JAKMIP1: variants seen among roughly 807,000 people sequenced by gnomAD.
JAKMIP1 encodes the protein janus kinase and microtubule interacting protein 1.
In JAKMIP1, 33 loss-of-function variants were observed where a neutral mutation model predicts 113.0. The observed-to-expected ratio is 0.29, with a 90% CI of 0.22 to 0.39. The LOEUF is 0.39. Among genes scored for constraint, JAKMIP1 ranks in the 10% least tolerant of loss-of-function variants. The pLI, the probability that JAKMIP1 is intolerant of heterozygous loss-of-function variation, is 1.00. For missense variants in JAKMIP1, 813 were observed against 1,080.5 expected, an observed-to-expected ratio of 0.75 and a Z score of 3.47; for synonymous variants, 480 against 459.9, an observed-to-expected ratio of 1.04 and a Z score of -0.56.
chr4:6,064,400 G>T lies in JAKMIP1; in HGVS notation c.1431+480C>A, dbSNP rs1329589443. On this transcript the variant is annotated intron_variant, in intron 9 of 20. Coordinates refer to ENST00000409021, the MANE Select transcript of JAKMIP1 (RefSeq NM_001099433.2). The surrounding 1 kb of genome is among the most constrained non-coding windows in gnomAD (Gnocchi z 4.3). Reference sequence around the variant, plus strand: ...GGTGAGGCGGTGACCTTGGGGTGATGGGACTTCAGGGCTCTTCACCTTCTT... The same window carrying T: ...GGTGAGGCGGTGACCTTGGGGTGATTGGACTTCAGGGCTCTTCACCTTCTT... 6.6e-6 allele frequency among the ~76,000 whole-genome samples: 1 copy of T among 152,176 alleles called. No individual in the cohort carries two copies. Among genetic ancestry groups the T allele is most frequent in the Non-Finnish European group, 1.5e-5 (1 of 68,036 alleles).
Position 6,150,222 on chromosome 4 carries a change from T to A in JAKMIP1, c.-147-37225A>T, listed in dbSNP as rs1179055483. 3 of 152,244 alleles carry A rather than the reference T, an allele frequency of 2.0e-5. No homozygotes were observed. Among genetic ancestry groups the A allele is most frequent in the Non-Finnish European group, 4.4e-5 (3 of 68,106 alleles). 9.4% of individuals were successfully genotyped at this position (152,244 alleles called of 1,614,324 possible). ...GAAGAAAGTGCTGGCACAGGCCCCA[T>A]GCTTTGGGCTTATGTATATTAGCTC... On this transcript the variant is annotated intron_variant, in intron 1 of 20. Transcript: ENST00000409021. The surrounding 1 kb of genome is among the most constrained non-coding windows in gnomAD (Gnocchi z 4.8).
intron 8 of JAKMIP1, among the ~76,000 whole-genome samples, chr4:6,071,928 C>G (rs1719012076): frequency 6.6e-6 from 1 of 152,180 alleles, no homozygotes; most frequent in Admixed American, 6.5e-5. Flanking sequence ...GGCACAGAGC[C>G]CGCTGTGAAA....
chr4:6,148,349 C>A (rs538506034), intron 1 of JAKMIP1, among the ~76,000 whole-genome samples: 3 of 152,190 alleles, frequency 2.0e-5, no homozygotes, highest in East Asian at 1.9e-4. Context: ...ATTTTCCTAG[C>A]GCAGAAGAGT....
chr4:6,090,337 G>A (rs1054115811), intron 3 of JAKMIP1, among the ~76,000 whole-genome samples: 9 of 152,162 alleles, frequency 5.9e-5, no homozygotes, highest in African/African-American at 1.7e-4. Flanking sequence ...GAGGACTGCC[G>A]GCCACACCAG....
intron 1 of JAKMIP1, among the ~76,000 whole-genome samples, chr4:6,195,152 C>T (rs1043082015): frequency 6.6e-6 from 1 of 152,180 alleles, no homozygotes; most frequent in East Asian, 1.9e-4. Context: ...CAAGAATAGC[C>T]GGTAAATGGC....
At chr4:6,098,343 G>A (rs1712196555) in intron 3 of JAKMIP1, among the ~76,000 whole-genome samples, 1 of 152,068 alleles carries the variant, frequency 6.6e-6, no homozygotes, top group Non-Finnish European at 1.5e-5. Flanking sequence ...TGAGGCAGGA[G>A]AATTGCTTGA....
At chr4:6,163,091 G>C (rs1360805812) in intron 1 of JAKMIP1, among the ~76,000 whole-genome samples, 1 of 152,248 alleles carries the variant, frequency 6.6e-6, no homozygotes, top group East Asian at 1.9e-4. Flanking sequence ...GTTCTGCAGA[G>C]TTCAGACCCT....
intron 11 of JAKMIP1, among the ~76,000 whole-genome samples, chr4:6,057,936 G>A (rs890431488): frequency 2.6e-5 from 4 of 152,246 alleles, no homozygotes; most frequent in African/African-American, 9.6e-5. Context: ...TGCCCAGCCT[G>A]AGCCCAGCCC....
rs1726851516 is a variant in JAKMIP1 at position 6,188,183 on chromosome 4, G to A, written c.-148+12070C>T. On this transcript the variant is annotated intron_variant, in intron 1 of 20. Coordinates refer to ENST00000409021, the MANE Select transcript of JAKMIP1 (RefSeq NM_001099433.2). This position sits in a 1 kb window ranked among gnomAD's most constrained non-coding sequence, Gnocchi z 5.8. The stretch of plus-strand genomic sequence containing the variant: ...AAAATGTCCACTACCAGCTTCCTGG[G>A]TTGGAAGATTGGAAGTCTACAGCTT... Among the ~76,000 whole-genome samples, 1 of 152,156 alleles carries A rather than the reference G, an allele frequency of 6.6e-6. No individual in the cohort carries two copies. Among genetic ancestry groups the A allele is most frequent in the Non-Finnish European group, 1.5e-5 (1 of 68,022 alleles).
intron 3 of JAKMIP1, among the ~76,000 whole-genome samples, chr4:6,090,336 C>T (rs1425664049): frequency 6.6e-6 from 1 of 152,264 alleles, no homozygotes; most frequent in South Asian, 2.1e-4. Context: ...CGAGGACTGC[C>T]GGCCACACCA....
At position 6,097,557 on chromosome 4, in the gene JAKMIP1, C is replaced by A. The variant is rs562726028; in HGVS notation, c.624+7916G>T. ...CACAGGAGGTTGGGTGTGCAATTTT[C>A]CACTTGTGACTTCATGTTGGCACTC... is the stretch of plus-strand genomic sequence containing the variant. On this transcript the variant is annotated intron_variant, in intron 3 of 20. Coordinates refer to ENST00000409021, the MANE Select transcript of JAKMIP1 (RefSeq NM_001099433.2). This position sits in a 1 kb window ranked among gnomAD's most constrained non-coding sequence, Gnocchi z 4.3. Among the ~76,000 whole-genome samples the A allele has an allele frequency of 6.6e-6, 1 of 152,228 alleles. No individual in the cohort carries two copies. The highest frequency in any genetic ancestry group is 2.4e-5 in the African/African-American group (1 of 41,530).
At chr4:6,151,066 C>T (rs1721518631) in intron 1 of JAKMIP1, among the ~76,000 whole-genome samples, 1 of 152,166 alleles carries the variant, frequency 6.6e-6, no homozygotes, top group South Asian at 2.1e-4. Context: ...CCCAGTCTCC[C>T]ACTGTCTCCA....
chr4:6,191,758 T>G (rs2109060575), intron 1 of JAKMIP1, among the ~76,000 whole-genome samples: 1 of 152,276 alleles, frequency 6.6e-6, no homozygotes, highest in South Asian at 2.1e-4. Context: ...ACTAGCCACA[T>G]TTTAAAAGGT....
intron 3 of JAKMIP1, among the ~76,000 whole-genome samples, chr4:6,098,651 AAG>A (rs1270988704): frequency 2.2e-4 from 32 of 142,976 alleles, no homozygotes; most frequent in South Asian, 6.8e-4. Flanking sequence ...AAAGAAAGGA[AAG>A]GAAAGGAAGA....
intron 3 of JAKMIP1, among the ~76,000 whole-genome samples, chr4:6,098,294 G>A (rs371399242): frequency 1.1e-4 from 16 of 152,186 alleles, no homozygotes; most frequent in Admixed American, 2.0e-4. Context: ...TTAGCCAGGC[G>A]TAGTGGCAGG....
chr4:6,056,434 G>A (rs1012735924), intron 12 of JAKMIP1, among the ~76,000 whole-genome samples: 1 of 152,246 alleles, frequency 6.6e-6, no homozygotes, highest in Non-Finnish European at 1.5e-5. Flanking sequence ...GGGAAGACAG[G>A]CCAGGCCTCT....
At chr4:6,084,701 G>T in intron 5 of JAKMIP1, 145 bp downstream of exon 5, 1 of 870,724 alleles carries the variant, frequency 1.1e-6, no homozygotes, top group Non-Finnish European at 1.6e-6. Context: ...GCATGTGTTA[G>T]ATTTTTAATC....
rs1021946956 is a variant in JAKMIP1, at chr4:6,167,216, G to A, written c.-148+33037C>T. On this transcript the variant is annotated intron_variant, in intron 1 of 20. Coordinates refer to ENST00000409021, the MANE Select transcript of JAKMIP1 (RefSeq NM_001099433.2). This position sits in a 1 kb window ranked among gnomAD's most constrained non-coding sequence, Gnocchi z 5.3. Reference sequence around the variant, plus strand: ...GGCCACTCATCCAGACCCAGGGCCTGTGAGTCCACTTGGAGCACTCCCTCC... The same window carrying A: ...GGCCACTCATCCAGACCCAGGGCCTATGAGTCCACTTGGAGCACTCCCTCC... Among the ~76,000 whole-genome samples the A allele has an allele frequency of 2.0e-5, 3 of 152,118 alleles. No homozygotes were observed. Among genetic ancestry groups the A allele is most frequent in the Admixed American group, 6.5e-5 (1 of 15,284 alleles).
At chr4:6,131,168 A>AC (rs1718459955) in intron 1 of JAKMIP1, among the ~76,000 whole-genome samples, 4 of 147,352 alleles carry the variant, frequency 2.7e-5, no homozygotes, top group Non-Finnish European at 5.9e-5. Flanking sequence ...CCTCCAAAAA[A>AC]AAAAAAATAT....
Sources: gnomAD v4.1 joint callset for allele counts (sites outside exome capture counted in the v4.1 genomes callset) on GRCh38, gnomAD v4.1.1 for gene constraint, Gnocchi (gnomAD v3.1) non-coding constraint, MANE v1.5 for transcripts, NCBI Gene and HGNC (gene_info 2026-07-23, HGNC 2026-07-21) for gene names.